Variants in C8orf34 observed in about 807,000 individuals in gnomAD.
C8orf34 encodes the protein uncharacterized protein C8orf34.
Under a neutral mutation model 68.3 loss-of-function variants are expected in C8orf34, and 65 were observed. That is an observed-to-expected ratio of 0.95 (90% CI 0.78 to 1.17). C8orf34 has a LOEUF of 1.17. Ranked by LOEUF, C8orf34 falls within the 50% of genes most tolerant of loss-of-function variation. The pLI, the probability that C8orf34 is intolerant of heterozygous loss-of-function variation, is 0.00. For missense variants in C8orf34, 664 were observed against 655.4 expected (o/e 1.01, Z -0.14); for synonymous variants, 244 against 241.2 (o/e 1.01, Z -0.11).
chr8:68,816,086 G>A (rs1824804045), intron 13 of C8orf34, 141 bp downstream of exon 13: 1 of 1,351,084 alleles, frequency 7.4e-7, no homozygotes, highest in African/African-American at 1.5e-5. Context: ...TCCTGCATAA[G>A]ATTATAAGAT....
At chr8:68,487,946 A>G (rs1481397117) in intron 4 of C8orf34, 77 bp from the exon 5 acceptor site, 4 of 946,064 alleles carry the variant, frequency 4.2e-6, no homozygotes, top group Non-Finnish European at 6.6e-6. Context: ...TTTTACAAAT[A>G]GAAAGTTTGT....
At chr8:68,414,539 T>C (rs1465840287) in intron 1 of C8orf34, among the ~76,000 whole-genome samples, 4 of 152,214 alleles carry the variant, frequency 2.6e-5, no homozygotes, top group Non-Finnish European at 5.9e-5. Flanking sequence ...ACATAATTTA[T>C]TCATTCTTTC....
intron 10 of C8orf34, among the ~76,000 whole-genome samples, chr8:68,766,573 C>G (rs541191453): frequency 1.1e-4 from 16 of 152,248 alleles, no homozygotes; most frequent in Non-Finnish European, 1.9e-4. Context: ...TGTCATTTAA[C>G]TACTTCTGCT....
chr8:68,579,336 T>A (rs1816995651), intron 7 of C8orf34, among the ~76,000 whole-genome samples: 1 of 152,172 alleles, frequency 6.6e-6, no homozygotes. Context: ...AAAATGCAGA[T>A]AGAAACACCA....
chr8:68,713,083 C>G (rs1241166699), intron 9 of C8orf34, among the ~76,000 whole-genome samples: 1 of 152,000 alleles, frequency 6.6e-6, no homozygotes. Context: ...ATTGGGTCAA[C>G]AAGGAAATCA....
At chr8:68,739,699 TA>T (rs1822225764) in intron 10 of C8orf34, among the ~76,000 whole-genome samples, 1 of 152,048 alleles carries the variant, frequency 6.6e-6, no homozygotes, top group African/African-American at 2.4e-5. Flanking sequence ...CTGTTCCTAT[TA>T]AACAACCAAT....
At chr8:68,706,522 G>T (rs574461149) in intron 8 of C8orf34, among the ~76,000 whole-genome samples, 14 of 152,164 alleles carry the variant, frequency 9.2e-5, no homozygotes, top group Admixed American at 6.5e-5. Flanking sequence ...ATTTGGTTGC[G>T]TAGAAAGTGT....
intron 5 of C8orf34, among the ~76,000 whole-genome samples, chr8:68,504,149 T>G (rs932979727): frequency 6.6e-6 from 1 of 152,236 alleles, no homozygotes; most frequent in Non-Finnish European, 1.5e-5. Flanking sequence ...TATAAATTTT[T>G]CTATTCTGGA....
At chr8:68,350,515 A>G (rs1806466953) in intron 1 of C8orf34, among the ~76,000 whole-genome samples, 1 of 152,012 alleles carries the variant, frequency 6.6e-6, no homozygotes, top group Non-Finnish European at 1.5e-5. Flanking sequence ...TGATCTGTCT[A>G]ATACTGTTAG....
chr8:68,398,840 G>C (rs1275374597), intron 1 of C8orf34, among the ~76,000 whole-genome samples: 1 of 152,094 alleles, frequency 6.6e-6, no homozygotes, highest in Non-Finnish European at 1.5e-5. Context: ...GAAAAAGCAG[G>C]TGACAGCGCA....
At chr8:68,477,431 C>A (rs945614611) in intron 4 of C8orf34, among the ~76,000 whole-genome samples, 1 of 152,198 alleles carries the variant, frequency 6.6e-6, no homozygotes, top group African/African-American at 2.4e-5. Context: ...AGAACCTCTG[C>A]GAGGGCAGTG....
rs572205478 is a variant in C8orf34 at position 68,559,106 on chromosome 8, T to C, written c.1105+25957T>C. 2.2e-4 allele frequency among the ~76,000 whole-genome samples: 33 copies of C among 152,270 alleles called. 1 individual carries two copies. In the South Asian group the frequency reaches 5.0e-3, roughly 23 times the overall value. On this transcript the variant is annotated intron_variant, in intron 7 of 13. Transcript: ENST00000518698. ...ATGAACATAAAACAAGGTAAGATCATATTTACATTTTAAAAAGTTATTCTG... is the reference window on the plus strand; with the variant it reads ...ATGAACATAAAACAAGGTAAGATCACATTTACATTTTAAAAAGTTATTCTG...
chr8:68,703,525 C>T (rs1821077829), intron 8 of C8orf34, among the ~76,000 whole-genome samples: 1 of 152,086 alleles, frequency 6.6e-6, no homozygotes, highest in Non-Finnish European at 1.5e-5. Flanking sequence ...TTTGCCTCAT[C>T]CAGGTTTCTT....
At chr8:68,424,119 C>T (rs1810104815) in intron 1 of C8orf34, among the ~76,000 whole-genome samples, 1 of 152,132 alleles carries the variant, frequency 6.6e-6, no homozygotes, top group Non-Finnish European at 1.5e-5. Flanking sequence ...CTTCCCTCCC[C>T]CCTGCCCATG....
intron 11 of C8orf34, among the ~76,000 whole-genome samples, chr8:68,777,708 C>T (rs998142164): frequency 2.6e-5 from 4 of 152,150 alleles, no homozygotes; most frequent in African/African-American, 4.8e-5. Flanking sequence ...TCTTTTCCAA[C>T]GTTCTTTCTA....
rs73266530 is a variant in C8orf34 at position 68,498,311 on chromosome 8, C to T, written c.765+10260C>T. Among the ~76,000 whole-genome samples the T allele has an allele frequency of 8.5e-3, 1,294 of 152,242 alleles. 23 individuals carry two copies. The highest frequency in any genetic ancestry group is 0.029 in the African/African-American group (1,186 of 41,544). ...AGGAGAAGATAGGGATAGAAGCTTGCCCTCTTAGAATTTTGAATATTTGAC... is the reference window on the plus strand; with the variant it reads ...AGGAGAAGATAGGGATAGAAGCTTGTCCTCTTAGAATTTTGAATATTTGAC... On this transcript the variant is annotated intron_variant, in intron 5 of 13. Transcript: ENST00000518698.
intron 13 of C8orf34, 108 bp from the exon 14 acceptor site, chr8:68,818,131 T>G: frequency 5.6e-6 from 6 of 1,071,762 alleles, no homozygotes; most frequent in Non-Finnish European, 8.4e-6. Context: ...CTTTCAAAAG[T>G]TCATTGGAAT....
intron 6 of C8orf34, chr8:68,525,368 C>CTT (rs1429351906): frequency 6.8e-6 from 2 of 292,012 alleles, no homozygotes; most frequent in East Asian, 1.2e-4. Context: ...AATCAAAGAA[C>CTT]AGAAGGCTTG....
chr8:68,524,597 G>A (rs1401842606), intron 6 of C8orf34, among the ~76,000 whole-genome samples: 3 of 152,202 alleles, frequency 2.0e-5, no homozygotes, highest in Admixed American at 2.0e-4. Context: ...AGAGGTGAAT[G>A]TGTTGGGAAA....
Sources: gnomAD v4.1 joint callset for allele counts (sites outside exome capture counted in the v4.1 genomes callset) on GRCh38, gnomAD v4.1.1 for gene constraint, MANE v1.5 for transcripts, NCBI Gene and HGNC (gene_info 2026-07-23, HGNC 2026-07-21) for gene names.